Variants in REPS1 observed in about 807,000 individuals in gnomAD.
The protein encoded by REPS1 is ralBP1-associated Eps domain-containing protein 1.
Under a neutral mutation model 100.9 loss-of-function variants are expected in REPS1, and 39 were observed. That is an observed-to-expected ratio of 0.39 (90% confidence interval 0.30 to 0.50). The LOEUF (loss-of-function observed/expected upper bound fraction) is 0.50. REPS1 is among the 20% of genes least tolerant of loss of function. REPS1 has a pLI of 0.86. For missense variants in REPS1, 821 were observed against 968.5 expected (o/e 0.85, Z 2.02); for synonymous variants, 324 against 340.3 (o/e 0.95, Z 0.53).
chr6:138,945,309 T>C lies in REPS1; in HGVS notation c.538A>G (p.Lys180Glu). Residue 180 changes from lysine (K) to glutamate (E), a missense_variant, in exon 4 of 20, where the codon AAG becomes GAG. Lys to Glu is a moderately conservative substitution (Grantham distance 56, BLOSUM62 1). Coordinates refer to ENST00000450536, the MANE Select transcript of REPS1 (RefSeq NM_001286611.2). ...SPPTSPHTWR[K>E]HSRHPSGGNS... is the part of the protein sequence containing the mutation. ...CCACCGCTGGGATGACGGCTGTGCT[T>C]CCTCCATGTGTGTGGAGAAGTTGGT... 6.2e-7 allele frequency: 1 copy of C among 1,612,514 alleles called. No individual in the cohort carries two copies. The highest frequency in any genetic ancestry group is 1.1e-5 in the South Asian group (1 of 90,940).
intron 8 of REPS1, among the ~76,000 whole-genome samples, chr6:138,931,626 G>A (rs907308194): frequency 1.3e-5 from 2 of 152,140 alleles, no homozygotes; most frequent in Non-Finnish European, 2.9e-5. Flanking sequence ...CTCAATAGAA[G>A]TGTCTGGGTA....
intron 1 of REPS1, among the ~76,000 whole-genome samples, chr6:138,976,409 A>T (rs993192478): frequency 2.0e-5 from 3 of 152,182 alleles, no homozygotes; most frequent in Non-Finnish European, 4.4e-5. Context: ...TCAAAATACA[A>T]AGACACCAAA....
At chr6:138,918,928 G>A (rs1016948276) in intron 12 of REPS1, among the ~76,000 whole-genome samples, 7 of 152,188 alleles carry the variant, frequency 4.6e-5, no homozygotes, top group Non-Finnish European at 1.5e-5. Context: ...GTCATAAGCT[G>A]AAGGGACTGG....
At chr6:138,908,559 T>C (rs2128424082) in intron 18 of REPS1, 109 bp downstream of exon 18, 2 of 1,186,468 alleles carry the variant, frequency 1.7e-6, no homozygotes, top group South Asian at 1.3e-5. Flanking sequence ...CCTCCCAAAA[T>C]GCTGGGATTA....
At chr6:138,961,988 C>T (rs946759025) in intron 1 of REPS1, among the ~76,000 whole-genome samples, 2 of 152,196 alleles carry the variant, frequency 1.3e-5, no homozygotes, top group African/African-American at 4.8e-5. Flanking sequence ...TGCCTAATGA[C>T]ACCATGAAGA....
chr6:138,983,935 G>A (rs1336747119), intron 1 of REPS1, among the ~76,000 whole-genome samples: 6 of 152,132 alleles, frequency 3.9e-5, no homozygotes, highest in Admixed American at 6.5e-5. Flanking sequence ...CTTTTAAAAA[G>A]TAAGCCCTCT....
Position 138,987,607 on chromosome 6 carries a change from T to C in REPS1, c.76A>G (p.Thr26Ala). ...CGCCCGTTGACCACCACCTTCTTGG[T>C]GCTCTCAATGTCGCAGTAGGAGAAG... ...DLFSYCDIES[T>A]KKVVVNGRVL... The change falls in exon 1 of 20, where the codon ACC becomes GCC. Residue 26 changes from threonine to alanine, a missense_variant. Thr to Ala is a moderately conservative substitution (Grantham distance 58). This residue lies in a region of REPS1 where 36 missense variants were observed against 36.7 expected (regional missense o/e 0.98). Transcript: ENST00000450536. 6.4e-7 allele frequency: 1 copy of C among 1,551,164 alleles called. No individual in the cohort carries two copies. Among genetic ancestry groups the C allele is most frequent in the South Asian group, 1.2e-5 (1 of 84,060 alleles).
chr6:138,956,022 C>G (rs1042772590), intron 1 of REPS1, among the ~76,000 whole-genome samples: 1 of 151,998 alleles, frequency 6.6e-6, no homozygotes, highest in African/African-American at 2.4e-5. Context: ...TTTTGAAAAC[C>G]ACATTTTCTT....
intron 10 of REPS1, among the ~76,000 whole-genome samples, chr6:138,923,111 A>G (rs568820121): frequency 1.3e-5 from 2 of 152,352 alleles, no homozygotes; most frequent in South Asian, 4.1e-4. Context: ...TATTAACATT[A>G]TAGATGGATG....
intron 8 of REPS1, chr6:138,934,238 C>A (rs1442810746): frequency 4.4e-6 from 2 of 453,688 alleles, no homozygotes; most frequent in Non-Finnish European, 9.3e-6. Context: ...ATGCAGTGTT[C>A]CAACCTAGCC....
intron 1 of REPS1, among the ~76,000 whole-genome samples, chr6:138,965,341 A>G (rs1316039914): frequency 6.6e-6 from 1 of 151,822 alleles, no homozygotes; most frequent in Non-Finnish European, 1.5e-5. Flanking sequence ...ATTAACAATG[A>G]CAACAACAAC....
intron 7 of REPS1, 114 bp downstream of exon 7, chr6:138,943,399 T>G: frequency 1.7e-6 from 1 of 599,434 alleles, no homozygotes; most frequent in Non-Finnish European, 2.9e-6. Context: ...TACTGAGTTC[T>G]TTGACAGCAT....
chr6:138,940,639 A>C (rs2128470302), intron 8 of REPS1, among the ~76,000 whole-genome samples: 1 of 152,006 alleles, frequency 6.6e-6, no homozygotes, highest in East Asian at 1.9e-4. Context: ...CATCTACTTA[A>C]GGAGGCTGAG....
chr6:138,915,025 C>A (rs896628442), intron 14 of REPS1: 6 of 410,622 alleles, frequency 1.5e-5, no homozygotes, highest in African/African-American at 1.3e-4. Context: ...TAATAGCAAA[C>A]AATCTTGATT....
intron 1 of REPS1, among the ~76,000 whole-genome samples, chr6:138,960,187 T>G (rs1783648671): frequency 6.6e-6 from 1 of 152,188 alleles, no homozygotes; most frequent in South Asian, 2.1e-4. Flanking sequence ...TTTGGTTTAA[T>G]ACCTACAAAA....
rs2128475238 is a variant in REPS1, at chr6:138,945,232, A to G, written c.615T>C (p.Gly205=). Residue 205 remains glycine, a synonymous_variant, in exon 4 of 20, where the codon GGT becomes GGC. Transcript: ENST00000450536. ...ATCTCTAAATACCTGATTGTGCTTC[A>G]CCAAAGGGAGACCAAAATGGCCCAG... ...AGPGPFWSPF[G]EAQSGSSAGD... is the part of the protein sequence containing the mutation. 1 of 1,608,764 alleles carries G rather than the reference A, an allele frequency of 6.2e-7. No individual in the cohort carries two copies. Among genetic ancestry groups the G allele is most frequent in the Middle Eastern group, 2.3e-4 (1 of 4,442 alleles).
At chr6:138,931,136 A>G (rs1330082791) in intron 8 of REPS1, among the ~76,000 whole-genome samples, 1 of 152,200 alleles carries the variant, frequency 6.6e-6, no homozygotes, top group Admixed American at 6.5e-5. Context: ...AAGTTGAATG[A>G]AACAGCACCT....
Position 138,912,790 on chromosome 6 carries a change from G to C in REPS1, c.1946C>G (p.Ala649Gly). The change falls in exon 16 of 20, where the codon GCC (alanine) becomes GGC (glycine). Residue 649 changes from alanine to glycine, a missense_variant. This residue lies in a region of REPS1 where 757 missense variants were observed against 866.4 expected (regional missense o/e 0.87). Coordinates refer to ENST00000450536, the MANE Select transcript of REPS1 (RefSeq NM_001286611.2). ...SNVNDEQDDE[A>G]EKHPEVLPAE... ...CGGCAGGACTTCTGGATGTTTCTCGGCTTCATCATCTTGTTCGTCGTTTAC... is the reference window on the plus strand; with the variant it reads ...CGGCAGGACTTCTGGATGTTTCTCGCCTTCATCATCTTGTTCGTCGTTTAC... The C allele has an allele frequency of 1.2e-6, 2 of 1,614,146 alleles. No individual in the cohort carries two copies. The highest frequency in any genetic ancestry group is 1.7e-6 in the Non-Finnish European group (2 of 1,180,022).
chr6:138,986,026 T>G (rs1785240204), intron 1 of REPS1, among the ~76,000 whole-genome samples: 1 of 152,234 alleles, frequency 6.6e-6, no homozygotes, highest in Non-Finnish European at 1.5e-5. Flanking sequence ...TGACCAGATC[T>G]CTAAGTCCTA....
Sources: allele counts gnomAD v4.1 joint callset (sites outside exome capture counted in the v4.1 genomes callset), GRCh38; gene constraint gnomAD v4.1.1; regional missense constraint gnomAD v4.1.1; transcripts MANE v1.5; gene names NCBI Gene and HGNC (gene_info 2026-07-23, HGNC 2026-07-21).